Variants in STK4 observed in about 807,000 individuals in gnomAD.
The protein encoded by STK4 is serine/threonine-protein kinase 4.
A neutral mutation model predicts 64.9 loss-of-function variants in STK4; 30 were observed. That is an observed-to-expected ratio of 0.46 (90% CI 0.35 to 0.63). STK4 has a LOEUF of 0.63. STK4 is among the 20% of genes least tolerant of loss of function. STK4 has a pLI of 0.01. For synonymous variants in STK4, 177 were observed against 199.0 expected (o/e 0.89, Z 0.93); for missense variants, 466 against 598.5 (o/e 0.78, Z 2.31).
At chr20:44,981,639 C>T (rs1172983478) in intron 3 of STK4, among the ~76,000 whole-genome samples, 190 bp from the exon 4 acceptor site, 1 of 152,040 alleles carries the variant, frequency 6.6e-6, no homozygotes, top group Non-Finnish European at 1.5e-5. Flanking sequence ...GTTTTTTATA[C>T]TTTTGTGATT....
At chr20:44,991,555 A>G (rs1464882082) in intron 5 of STK4, among the ~76,000 whole-genome samples, 1 of 152,044 alleles carries the variant, frequency 6.6e-6, no homozygotes, top group Admixed American at 6.6e-5. Flanking sequence ...CTTCCCTGCT[A>G]TTTCTCAAAG....
intron 10 of STK4, among the ~76,000 whole-genome samples, chr20:45,057,322 AAGGGTGC>A (rs1231591422): frequency 6.6e-6 from 1 of 152,226 alleles, no homozygotes; most frequent in African/African-American, 2.4e-5. Context: ...ATGCATCTAG[AAGGGTGC>A]ACTTGGATCT....
intron 10 of STK4, among the ~76,000 whole-genome samples, chr20:45,066,176 A>G (rs1223387012): frequency 8.1e-6 from 1 of 123,848 alleles, no homozygotes; most frequent in Non-Finnish European, 1.7e-5. Flanking sequence ...TACACATTAT[A>G]TATCTACACA....
chr20:45,056,329 A>G (rs555748168), intron 10 of STK4, among the ~76,000 whole-genome samples: 12 of 152,296 alleles, frequency 7.9e-5, no homozygotes, highest in African/African-American at 2.6e-4. Context: ...GGGATGTCAG[A>G]TGAATGGAAT....
intron 10 of STK4, among the ~76,000 whole-genome samples, chr20:45,026,346 T>C (rs183681997): frequency 1.3e-5 from 2 of 150,800 alleles, no homozygotes; most frequent in African/African-American, 4.9e-5. Context: ...TGTGTGTGTG[T>C]GTGCATAGTT....
At position 45,024,997 on chromosome 20, in the gene STK4, C is replaced by A. The variant is rs371924549; in HGVS notation, c.1172C>A (p.Ala391Glu). ...MKRRDETMQP[A>E]KPSFLEYFEQ... ...GGAAGGGATGAGACCATGCAGCCTG[C>A]GAAACCATCCTTTCTTGAATATTTT... The change falls in exon 10 of 11, where the codon GCG becomes GAG. Residue 391 changes from alanine (A) to glutamate (E), a missense_variant. Around this residue, in one of 2 missense-constraint regions of STK4, gnomAD observed 276 missense variants for 308.9 expected, o/e 0.89. Coordinates refer to ENST00000372806, the MANE Select transcript of STK4 (RefSeq NM_006282.5). 13 of 1,610,820 alleles carry A rather than the reference C, an allele frequency of 8.1e-6. No homozygotes were observed. The highest frequency in any genetic ancestry group is 1.0e-5 in the Non-Finnish European group (12 of 1,178,392).
chr20:45,017,734 AT>A (rs1305276090), intron 9 of STK4, among the ~76,000 whole-genome samples: 1 of 152,174 alleles, frequency 6.6e-6, no homozygotes, highest in Non-Finnish European at 1.5e-5. Context: ...ACCTGTGAAC[AT>A]TTTTTATCTT....
chr20:45,076,043 A>C lies in STK4; in HGVS notation c.*867A>C, dbSNP rs545434144. The stretch of plus-strand genomic sequence containing the variant: ...CGGGACTGTGTTCAGTCCACAAAGG[A>C]AAAGCGTTTTTGAAGCTCTCATTGT... On this transcript the variant is annotated 3_prime_UTR_variant, in exon 11 of 11. Coordinates refer to ENST00000372806, the MANE Select transcript of STK4 (RefSeq NM_006282.5). This position sits in a 1 kb window ranked among gnomAD's most constrained non-coding sequence, Gnocchi z 4.0. 2.0e-5 allele frequency: 3 copies of C among 152,684 alleles called. No homozygotes were observed. Among genetic ancestry groups the C allele is most frequent in the Admixed American group, 2.0e-4 (3 of 15,286 alleles). The allele number at this position is 152,684 out of a possible 1,614,324, so 9.5% of individuals were successfully genotyped here.
intron 9 of STK4, among the ~76,000 whole-genome samples, chr20:45,006,859 C>G (rs1028219050): frequency 6.6e-6 from 1 of 152,146 alleles, no homozygotes; most frequent in Non-Finnish European, 1.5e-5. Flanking sequence ...GTTCTGGCTT[C>G]CCCTTTAACA....
chr20:45,057,420 T>A (rs1053514767), intron 10 of STK4, among the ~76,000 whole-genome samples: 2 of 152,240 alleles, frequency 1.3e-5, no homozygotes, highest in African/African-American at 2.4e-5. Flanking sequence ...GCTTGTGTTA[T>A]TAACAATCAG....
intron 9 of STK4, among the ~76,000 whole-genome samples, chr20:45,008,857 T>A (rs2067996176): frequency 6.6e-6 from 1 of 152,208 alleles, no homozygotes; most frequent in South Asian, 2.1e-4. Flanking sequence ...TCTGTTCATG[T>A]CCTTTGCCCA....
At chr20:44,971,122 CACAT>C (rs2067238523) in intron 1 of STK4, among the ~76,000 whole-genome samples, 1 of 140,346 alleles carries the variant, frequency 7.1e-6, no homozygotes, top group Admixed American at 7.0e-5. Flanking sequence ...CACACACACA[CACAT>C]ATTCCTTGGC....
At chr20:45,005,351 A>G (rs1473461911) in intron 9 of STK4, among the ~76,000 whole-genome samples, 1 of 151,938 alleles carries the variant, frequency 6.6e-6, no homozygotes, top group Non-Finnish European at 1.5e-5. Flanking sequence ...CCAGGTTTTT[A>G]AAAAACATTA....
At chr20:45,007,029 C>T (rs1041112330) in intron 9 of STK4, among the ~76,000 whole-genome samples, 2 of 151,910 alleles carry the variant, frequency 1.3e-5, no homozygotes, top group Non-Finnish European at 2.9e-5. Context: ...TGGTTCTGAG[C>T]GCTATGGGTT....
intron 10 of STK4, among the ~76,000 whole-genome samples, chr20:45,033,810 C>A (rs898986186): frequency 2.6e-5 from 4 of 152,230 alleles, no homozygotes; most frequent in African/African-American, 9.6e-5. Flanking sequence ...AATCTCCTGA[C>A]TTTGGGTGAT....
chr20:45,053,127 C>A (rs1474276784), intron 10 of STK4: 1 of 1,612,638 alleles, frequency 6.2e-7, no homozygotes, highest in Non-Finnish European at 8.5e-7. Flanking sequence ...ACATATGTAT[C>A]CAAAATTGCC....
At chr20:45,012,377 A>C (rs1288853077) in intron 9 of STK4, among the ~76,000 whole-genome samples, 1 of 152,204 alleles carries the variant, frequency 6.6e-6, no homozygotes, top group Admixed American at 6.5e-5. Flanking sequence ...ATTTTATAAA[A>C]TACTACTGGA....
At position 45,020,335 on chromosome 20, in the gene STK4, A is replaced by G. The variant is rs548661770; in HGVS notation, c.1148-4638A>G. On this transcript the variant is annotated intron_variant, in intron 9 of 10. Transcript: ENST00000372806. Reference sequence around the variant, plus strand: ...ACCATTATGTGAAAGCACCTAGTAGAAAGCCTGAAATGTAGAAGGTATTTA... The same window carrying G: ...ACCATTATGTGAAAGCACCTAGTAGGAAGCCTGAAATGTAGAAGGTATTTA... Among the ~76,000 whole-genome samples, 8 of 152,290 alleles carry G rather than the reference A, an allele frequency of 5.3e-5. No homozygotes were observed. In the South Asian group the frequency reaches 1.5e-3, roughly 28 times the overall value.
At chr20:44,975,893 C>T (rs1484154685) in intron 2 of STK4, among the ~76,000 whole-genome samples, 1 of 152,122 alleles carries the variant, frequency 6.6e-6, no homozygotes, top group Non-Finnish European at 1.5e-5. Context: ...AGAGGAAAAT[C>T]ATTCAAGAGA....
Sources: gnomAD v4.1 joint callset for allele counts (sites outside exome capture counted in the v4.1 genomes callset) on GRCh38, gnomAD v4.1.1 for gene constraint, gnomAD v4.1.1 regional missense constraint, Gnocchi (gnomAD v3.1) non-coding constraint, MANE v1.5 for transcripts, NCBI Gene and HGNC (gene_info 2026-07-23, HGNC 2026-07-21) for gene names.